The following AFF2 variants were observed in gnomAD, a reference collection of about 807,000 sequenced individuals.
AFF2 encodes the protein ALF transcription elongation factor 2.
Under a neutral mutation model 76.9 loss-of-function variants are expected in AFF2, and 14 were observed. The ratio of observed to expected loss-of-function variants is 0.18; its 90% CI spans 0.12 to 0.28. AFF2 has a LOEUF of 0.28. Ranked by LOEUF, AFF2 falls within the 10% of genes least tolerant of loss-of-function variation. The pLI is 1.00. For missense variants in AFF2, 868 were observed against 1,001.1 expected (o/e 0.87, Z 1.79); for synonymous variants, 398 against 366.7 (o/e 1.09, Z -0.98).
intron 1 of AFF2, among the ~76,000 whole-genome samples, chrX:148,614,793 C>CTTT (rs2053780649): frequency 2.4e-5 from 1 of 41,135 alleles, no homozygotes; most frequent in Admixed American, 3.3e-4. Context: ...TTTCTTTCTT[C>CTTT]CTTTCTCTCT....
At chrX:148,539,908 A>G (rs1329689207) in intron 1 of AFF2, among the ~76,000 whole-genome samples, 1 of 111,314 alleles carries the variant, frequency 9.0e-6, no homozygotes, top group Non-Finnish European at 1.9e-5. Flanking sequence ...TTAGATTCCC[A>G]TTAATTAAGG....
chrX:148,913,371 T>C (rs2071492287), intron 9 of AFF2, among the ~76,000 whole-genome samples: 1 of 112,500 alleles, frequency 8.9e-6, no homozygotes, highest in Admixed American at 9.4e-5. Context: ...ACCAAATGTG[T>C]CAAAAATTAA....
chrX:148,765,185 C>T (rs1329197908), intron 3 of AFF2, among the ~76,000 whole-genome samples: 1 of 111,880 alleles, frequency 8.9e-6, no homozygotes, highest in Non-Finnish European at 1.9e-5. Context: ...CATGCCCGGC[C>T]AATCTTAGCT....
chrX:148,821,968 C>T (rs2124651085), intron 4 of AFF2, among the ~76,000 whole-genome samples: 1 of 111,811 alleles, frequency 8.9e-6, no homozygotes, highest in South Asian at 3.7e-4. Flanking sequence ...AAAATGACCT[C>T]ATAGTGTTAT....
chrX:148,693,666 C>T (rs2054680463), intron 3 of AFF2, among the ~76,000 whole-genome samples: 1 of 111,609 alleles, frequency 9.0e-6, no homozygotes, highest in Non-Finnish European at 1.9e-5. Flanking sequence ...CTGGACTAAG[C>T]CACATAAGAA....
chrX:148,605,011 T>G (rs1603255839), intron 1 of AFF2, among the ~76,000 whole-genome samples: 1 of 112,167 alleles, frequency 8.9e-6, no homozygotes, highest in Non-Finnish European at 1.9e-5. Context: ...TATTTACTTT[T>G]CAGATATCCA....
chrX:148,647,758 G>T (rs782175833), intron 1 of AFF2, among the ~76,000 whole-genome samples: 3 of 110,851 alleles, frequency 2.7e-5, no homozygotes, highest in African/African-American at 9.8e-5. Flanking sequence ...TGACAAACCC[G>T]CTGTGAGGCC....
intron 1 of AFF2, among the ~76,000 whole-genome samples, chrX:148,627,069 G>T (rs1164176628): frequency 1.8e-5 from 2 of 111,111 alleles, no homozygotes; most frequent in Non-Finnish European, 3.8e-5. Context: ...AAAATAGCTA[G>T]ACATGGTGTC....
chrX:148,942,121 T>C (rs1470221441), intron 9 of AFF2, among the ~76,000 whole-genome samples: 2 of 108,455 alleles, frequency 1.8e-5, no homozygotes, highest in Admixed American at 2.0e-4. Context: ...CAGGGAGATA[T>C]CTGTAAGAAT....
chrX:148,700,548 C>A (rs1405283697), intron 3 of AFF2, among the ~76,000 whole-genome samples: 1 of 109,098 alleles, frequency 9.2e-6, no homozygotes, highest in Non-Finnish European at 1.9e-5. Flanking sequence ...CCATCCTCCA[C>A]AAGCTCCACT....
chrX:148,839,431 C>T (rs1409962787), intron 5 of AFF2, among the ~76,000 whole-genome samples: 1 of 111,706 alleles, frequency 9.0e-6, no homozygotes, highest in Admixed American at 9.5e-5. Context: ...TAATTTAATC[C>T]CCACTACAAC....
At chrX:148,701,404 A>G (rs976336437) in intron 3 of AFF2, among the ~76,000 whole-genome samples, 2 of 111,180 alleles carry the variant, frequency 1.8e-5, no homozygotes, top group Admixed American at 1.9e-4. Flanking sequence ...CCATTCCTTC[A>G]TAGATAAGAA....
intron 1 of AFF2, among the ~76,000 whole-genome samples, chrX:148,646,123 G>A (rs1187301233): frequency 9.0e-6 from 1 of 111,478 alleles, no homozygotes; most frequent in African/African-American, 3.3e-5. Flanking sequence ...AGTTGCTTAG[G>A]GCTGGGCTGG....
chrX:148,983,953 C>CAA (rs56767828), intron 19 of AFF2, among the ~76,000 whole-genome samples: 4 of 29,125 alleles, frequency 1.4e-4, no homozygotes, highest in Non-Finnish European at 1.2e-4. Flanking sequence ...GTGAAATAGA[C>CAA]AAAAAAAAAA....
chrX:148,791,917 T>C (rs949473106), intron 3 of AFF2, among the ~76,000 whole-genome samples: 4 of 111,642 alleles, frequency 3.6e-5, no homozygotes, highest in African/African-American at 1.3e-4. Flanking sequence ...CATTGTATTA[T>C]ATTGGTACAA....
intron 1 of AFF2, among the ~76,000 whole-genome samples, chrX:148,520,337 A>G (rs1547932): frequency 9.0e-6 from 1 of 110,764 alleles, no homozygotes; most frequent in Non-Finnish European, 1.9e-5. Flanking sequence ...GCAAACCTTC[A>G]TCACCACTCT....
chrX:148,846,508 T>A (rs1399670951), intron 7 of AFF2, among the ~76,000 whole-genome samples: 1 of 112,102 alleles, frequency 8.9e-6, no homozygotes, highest in South Asian at 3.8e-4. Flanking sequence ...TTTAAGCAGT[T>A]ATACTTTTTA....
At chrX:148,708,442 T>C (rs1557262582) in intron 3 of AFF2, among the ~76,000 whole-genome samples, 1 of 111,979 alleles carries the variant, frequency 8.9e-6, no homozygotes, top group African/African-American at 3.2e-5. Context: ...GTTGGAGCTA[T>C]ATAAGCAACA....
intron 3 of AFF2, among the ~76,000 whole-genome samples, chrX:148,760,909 G>A (rs782220325): frequency 1.5e-4 from 17 of 111,527 alleles, no homozygotes; most frequent in Non-Finnish European, 2.8e-4. Context: ...TAAAAATATT[G>A]AACATAAACA....
Sources: gnomAD v4.1 joint callset for allele counts (sites outside exome capture counted in the v4.1 genomes callset) on GRCh38, gnomAD v4.1.1 for gene constraint, MANE v1.5 for transcripts, NCBI Gene and HGNC (gene_info 2026-07-23, HGNC 2026-07-21) for gene names.